Variants in MILR1 observed in about 807,000 individuals in gnomAD.
MILR1 encodes the protein allergin-1.
A neutral mutation model predicts 18.5 loss-of-function variants in MILR1; 31 were observed. The ratio of observed to expected loss-of-function variants is 1.68; its 90% CI spans 1.26 to 2.26. MILR1 has a LOEUF of 2.26. Ranked by LOEUF, MILR1 falls within the 30% of genes most tolerant of loss-of-function variation. The pLI is 0.00. For synonymous variants in MILR1, 85 were observed against 56.2 expected, an observed-to-expected ratio of 1.51 and a Z score of -2.30; for missense variants, 257 against 157.4, an observed-to-expected ratio of 1.63 and a Z score of -3.38.
At chr17:64,460,588 C>T (rs1236644529) in intron 4 of MILR1, among the ~76,000 whole-genome samples, 2 of 152,198 alleles carry the variant, frequency 1.3e-5, no homozygotes, top group African/African-American at 4.8e-5. Flanking sequence ...TCAGGCAATC[C>T]TCCCACCTTG....
the MILR1 span, among the ~76,000 whole-genome samples, chr17:64,489,095 G>T: frequency 2.7e-4 from 39 of 142,474 alleles, no homozygotes; most frequent in Admixed American, 8.7e-4. Context: ...GCACAGTCTT[G>T]GCTCACTGAT....
At chr17:64,458,568 T>C (rs1387396203) in intron 4 of MILR1, among the ~76,000 whole-genome samples, 5 of 151,594 alleles carry the variant, frequency 3.3e-5, no homozygotes, top group Non-Finnish European at 7.4e-5. Flanking sequence ...ATTGCTCCAC[T>C]GCTAATGATG....
chr17:64,496,667 G>C, the MILR1 span: 26 of 1,613,828 alleles, frequency 1.6e-5, no homozygotes, highest in Non-Finnish European at 2.2e-5. Context: ...TACGCCCAAG[G>C]GTCCGAAGCC....
intron 5 of MILR1, among the ~76,000 whole-genome samples, chr17:64,464,629 G>T (rs889856014): frequency 6.6e-6 from 1 of 152,100 alleles, no homozygotes; most frequent in African/African-American, 2.4e-5. Context: ...TTGATTACTG[G>T]CTGGAGCTAC....
the MILR1 span, among the ~76,000 whole-genome samples, chr17:64,475,786 A>T: frequency 6.6e-6 from 1 of 151,064 alleles, no homozygotes; most frequent in Non-Finnish European, 1.5e-5. Context: ...AAAAAGAAAC[A>T]AACAGACACT....
At chr17:64,493,805 G>C in the MILR1 span, among the ~76,000 whole-genome samples, 70 of 152,196 alleles carry the variant, frequency 4.6e-4, no homozygotes, top group Non-Finnish European at 8.2e-4. Context: ...AAATCTATAA[G>C]AAAGTTGAAA....
At chr17:64,495,233 G>A in the MILR1 span, among the ~76,000 whole-genome samples, 1 of 150,314 alleles carries the variant, frequency 6.7e-6, no homozygotes, top group Non-Finnish European at 1.5e-5. Flanking sequence ...CATTGCTACT[G>A]AGGGTCATTG....
chr17:64,480,559 G>A, the MILR1 span, among the ~76,000 whole-genome samples: 18 of 152,238 alleles, frequency 1.2e-4, no homozygotes, highest in South Asian at 2.9e-3. Context: ...TTTATAAATC[G>A]TATACTTCTT....
the MILR1 span, among the ~76,000 whole-genome samples, chr17:64,478,941 A>G: frequency 1.4e-4 from 21 of 152,280 alleles, no homozygotes; most frequent in East Asian, 4.1e-3. Context: ...CCACTATAGC[A>G]AAGTGAATAA....
chr17:64,484,442 G>C, the MILR1 span, among the ~76,000 whole-genome samples: 1 of 152,212 alleles, frequency 6.6e-6, no homozygotes. Context: ...GTGGAGAACA[G>C]CAGATCAAAA....
At chr17:64,488,604 C>A in the MILR1 span, among the ~76,000 whole-genome samples, 1 of 152,120 alleles carries the variant, frequency 6.6e-6, no homozygotes, top group Non-Finnish European at 1.5e-5. Flanking sequence ...ATCTTTAAAT[C>A]CCTAGTCACA....
chr17:64,472,494 A>AAAAAAAAAAAAAAAAC, downstream of MILR1, among the ~76,000 whole-genome samples: 1 of 149,018 alleles, frequency 6.7e-6, no homozygotes, highest in African/African-American at 2.5e-5. Flanking sequence ...AAAAAAAAAA[A>AAAAAAAAAAAAAAAAC]AAAGAATAAC....
At chr17:64,460,008 ATTTATT>A (rs2037393834) in intron 4 of MILR1, among the ~76,000 whole-genome samples, 3 of 140,976 alleles carry the variant, frequency 2.1e-5, no homozygotes, top group African/African-American at 8.2e-5. Flanking sequence ...TTATTTATTT[ATTTATT>A]TATTTATTTA....
chr17:64,460,004 A>T (rs1265623408), intron 4 of MILR1, among the ~76,000 whole-genome samples: 8 of 123,490 alleles, frequency 6.5e-5, no homozygotes, highest in African/African-American at 2.1e-4. Flanking sequence ...TTATTTATTT[A>T]TTTATTTATT....
intron 4 of MILR1, 97 bp from the exon 5 acceptor site, chr17:64,460,725 T>G (rs2037412484): frequency 9.0e-6 from 4 of 445,544 alleles, no homozygotes; most frequent in East Asian, 3.3e-5. Context: ...GTACATTGGT[T>G]AACTTGGGAG....
chr17:64,486,048 A>G, the MILR1 span, among the ~76,000 whole-genome samples: 1 of 151,906 alleles, frequency 6.6e-6, no homozygotes, highest in East Asian at 2.0e-4. Flanking sequence ...TCCTGAGTAC[A>G]TATTTTAGAC....
chr17:64,456,314 T>TTATATA (rs149164161), intron 3 of MILR1, among the ~76,000 whole-genome samples: 57 of 151,282 alleles, frequency 3.8e-4, no homozygotes, highest in African/African-American at 1.3e-3. Flanking sequence ...TATTAATGCA[T>TTATATA]TATATATATA....
At chr17:64,474,453 C>T in the MILR1 span, among the ~76,000 whole-genome samples, 6 of 152,114 alleles carry the variant, frequency 3.9e-5, no homozygotes, top group Admixed American at 6.6e-5. Context: ...AAGCTCCCTG[C>T]GGCTTTGACT....
At chr17:64,475,808 C>CTTTTTTT in the MILR1 span, among the ~76,000 whole-genome samples, 3 of 102,502 alleles carry the variant, frequency 2.9e-5, no homozygotes, top group Non-Finnish European at 3.5e-5. Context: ...CTACCACTTC[C>CTTTTTTT]TTTTTTTTTT....
Sources: gnomAD v4.1 joint callset for allele counts (sites outside exome capture counted in the v4.1 genomes callset) on GRCh38, gnomAD v4.1.1 for gene constraint, MANE v1.5 for transcripts, NCBI Gene and HGNC (gene_info 2026-07-23, HGNC 2026-07-21) for gene names.